CDC42BPG: variants seen among roughly 807,000 people sequenced by gnomAD.
The protein encoded by CDC42BPG is serine/threonine-protein kinase MRCK gamma.
CDC42BPG carries 157 observed loss-of-function variants against 192.2 expected under a neutral mutation model. That is an observed-to-expected ratio of 0.82 (90% CI 0.72 to 0.93). The LOEUF (loss-of-function observed/expected upper bound fraction) is 0.93. CDC42BPG is among the 40% of genes least tolerant of loss of function. CDC42BPG has a pLI of 0.00. For missense variants in CDC42BPG, 1,992 were observed against 2,122.1 expected, an observed-to-expected ratio of 0.94 and a Z score of 1.20; for synonymous variants, 981 against 918.5, an observed-to-expected ratio of 1.07 and a Z score of -1.23.
At chr11:64,831,400 G>C (rs1418091431) in intron 28 of CDC42BPG, 105 bp downstream of exon 28, 2 of 1,068,412 alleles carry the variant, frequency 1.9e-6, no homozygotes, top group African/African-American at 1.6e-5. Context: ...TCTGTGTCTC[G>C]TGGCTGCAGG....
chr11:64,827,145 C>A lies in CDC42BPG; in HGVS notation c.4294G>T (p.Val1432Leu). 2 of 1,614,134 alleles carry A rather than the reference C, an allele frequency of 1.2e-6. No homozygotes were observed. The highest frequency in any genetic ancestry group is 1.7e-6 in the Non-Finnish European group (2 of 1,179,990). Residue 1432 changes from valine (V) to leucine (L), a missense_variant, in exon 34 of 37, where the codon GTG becomes TTG. Transcript: ENST00000342711. ...GGCGGCGAGATGAGCTTGGAGCGCA[C>A]AAAAGGGTCCTTCAGCATCTCCCTG... ...QRREMLKDPF[V>L]RSKLISPPTN...
intron 36 of CDC42BPG, among the ~76,000 whole-genome samples, chr11:64,825,109 G>T (rs1175219230): frequency 6.6e-6 from 1 of 152,046 alleles, no homozygotes; most frequent in Non-Finnish European, 1.5e-5. Context: ...TAGAGACAGG[G>T]TTTCACCATG....
At chr11:64,844,364 C>A in intron 1 of CDC42BPG, 46 bp downstream of exon 1, 1 of 1,340,694 alleles carries the variant, frequency 7.5e-7, no homozygotes. Flanking sequence ...GGTCTCGGCG[C>A]GATATCCCTA....
At chr11:64,826,640 G>T in intron 35 of CDC42BPG, 31 bp downstream of exon 35, 1 of 1,586,080 alleles carries the variant, frequency 6.3e-7, no homozygotes, top group Non-Finnish European at 8.6e-7. Context: ...GGTGGGGGGT[G>T]GCACACTGGA....
rs1002222860 is a variant in CDC42BPG at position 64,840,240 on chromosome 11, C to T, written c.461G>A (p.Gly154Glu). The change falls in exon 5 of 37, where the codon GGG becomes GAG. Residue 154 changes from glycine to glutamate, a missense_variant. Transcript: ENST00000342711. ...GCGGCTCAGCAGCGTCAGGAGGTCC[C>T]CACCAGCATAGTAGTCCATCACAAG... The part of the protein sequence containing the change: ...LYLVMDYYAG[G>E]DLLTLLSRFE... 1 of 1,612,686 alleles carries T rather than the reference C, an allele frequency of 6.2e-7. No individual in the cohort carries two copies. Among genetic ancestry groups the T allele is most frequent in the Non-Finnish European group, 8.5e-7 (1 of 1,179,990 alleles).
At chr11:64,839,300 G>A (rs1200569591) in intron 6 of CDC42BPG, 67 bp from the exon 7 acceptor site, 10 of 1,579,982 alleles carry the variant, frequency 6.3e-6, no homozygotes, top group East Asian at 2.2e-5. Flanking sequence ...GGCTCCTCGC[G>A]ATGGCCCTGT....
At chr11:64,825,169 A>G (rs1942371303) in intron 36 of CDC42BPG, among the ~76,000 whole-genome samples, 1 of 152,112 alleles carries the variant, frequency 6.6e-6, no homozygotes, top group Admixed American at 6.6e-5. Context: ...TGCCTGCCTC[A>G]GCCTCCCAAA....
chr11:64,839,565 G>C lies in CDC42BPG; in HGVS notation c.588C>G (p.Val196=), dbSNP rs774866136. ...CATCCAGCAGGACGTTGTCTGGCTT[G>C]ACATCCCTGGGGGATGGCAGGCAGG... The part of the protein sequence containing the change: ...LHQLGYVHRD[V]KPDNVLLDVN... The change falls in exon 6 of 37, where the codon GTC becomes GTG. Residue 196 remains valine (V), a synonymous_variant. Coordinates refer to ENST00000342711, the MANE Select transcript of CDC42BPG (RefSeq NM_017525.3). 2 of 1,611,614 alleles carry C rather than the reference G, an allele frequency of 1.2e-6. No homozygotes were observed. The highest frequency in any genetic ancestry group is 1.7e-6 in the Non-Finnish European group (2 of 1,179,520).
chr11:64,833,133 G>A, intron 24 of CDC42BPG, 98 bp downstream of exon 24: 1 of 1,246,188 alleles, frequency 8.0e-7, no homozygotes, highest in Non-Finnish European at 1.1e-6. Flanking sequence ...AATTTGACCA[G>A]CAGGTGCCAG....
chr11:64,836,853 C>G lies in CDC42BPG; in HGVS notation c.1304-34G>C. The G allele has an allele frequency of 1.9e-6, 3 of 1,610,748 alleles. No homozygotes were observed. The East Asian group carries it at 6.7e-5, about 36-fold the overall frequency. On this transcript the variant is annotated intron_variant, in intron 10 of 36. Transcript: ENST00000342711. ...GAGGTGGTACCCACAGGTGAGTCCA[C>G]TCCTCCATTCCCGCAGCAGCAGCCC...
intron 6 of CDC42BPG, 108 bp downstream of exon 6, chr11:64,839,370 C>A: frequency 6.7e-7 from 1 of 1,498,404 alleles, no homozygotes; most frequent in Non-Finnish European, 9.2e-7. Flanking sequence ...TCTCACCCAC[C>A]TTCCCCGGGG....
In CDC42BPG at chr11:64,832,106, C is replaced by G. The variant is rs1942722930; in HGVS notation, c.3087+322G>C. ...TGAAGGACTGAGAATGTGGTGCACA[C>G]AGGCACAGGGCGCCTTCAGAACTGG... On this transcript the variant is annotated intron_variant, in intron 27 of 36. Transcript: ENST00000342711. 2.0e-5 allele frequency among the ~76,000 whole-genome samples: 3 copies of G among 152,340 alleles called. No homozygotes were observed. The South Asian group carries it at 6.2e-4, about 32-fold the overall frequency.
rs1942819650 is a variant in CDC42BPG at position 64,833,667 on chromosome 11, A to G, written c.2566-8T>C. ...TGCTCTGGGGAACACAGCCTGCAGG[A>G]GGGCGGGGGAGCAGGTGAGACGGGC... On this transcript the variant is annotated splice_polypyrimidine_tract_variant and splice_region_variant and intron_variant, in intron 22 of 36. Transcript: ENST00000342711. 2 of 1,612,330 alleles carry G rather than the reference A, an allele frequency of 1.2e-6. No homozygotes were observed. Among genetic ancestry groups the G allele is most frequent in the South Asian group, 1.1e-5 (1 of 90,880 alleles).
Position 64,836,726 on chromosome 11 carries a change from G to GGGGGGGGA in CDC42BPG, c.1384+12_1384+13insTCCCCCCC. The GGGGGGGGA allele has an allele frequency of 1.1e-6, 1 of 889,338 alleles. No homozygotes were observed. Among genetic ancestry groups the GGGGGGGGA allele is most frequent in the Non-Finnish European group, 1.6e-6 (1 of 622,140 alleles). The allele number at this position is 889,338 out of a possible 1,614,324, so 55.1% of individuals were successfully genotyped here. On this transcript the variant is annotated intron_variant, in intron 11 of 36. Coordinates refer to ENST00000342711, the MANE Select transcript of CDC42BPG (RefSeq NM_017525.3). ...AGCCCTGGGGGGGGGGGGGGGGTGGGCGGAAGGGATACCTGGCAGCCTGTC... is the reference window on the plus strand; with the variant it reads ...AGCCCTGGGGGGGGGGGGGGGGTGGGGGGGGGGACGGAAGGGATACCTGGCAGCCTGTC...
In CDC42BPG at chr11:64,836,485, G is replaced by A. The variant is rs749177536; in HGVS notation, c.1430C>T (p.Pro477Leu). ...KASLSQTDGPPAGSPGQDSDL... is the reference protein window; with the variant it reads ...KASLSQTDGPLAGSPGQDSDL... ...ACTGTCCTGACCTGGGCTACCAGCT[G>A]GGGGCCCATCCGTCTGGGACAATGA... Residue 477 changes from proline (P) to leucine (L), a missense_variant, in exon 12 of 37, where the codon CCA becomes CTA. By Grantham distance (98) the Pro-to-Leu change is moderately conservative. This residue lies in a region of CDC42BPG where 1,656 missense variants were observed against 1,844.3 expected (regional missense o/e 0.90). Coordinates refer to ENST00000342711, the MANE Select transcript of CDC42BPG (RefSeq NM_017525.3). 35 of 1,613,566 alleles carry A rather than the reference G, an allele frequency of 2.2e-5. No individual in the cohort carries two copies. The South Asian group carries it at 3.5e-4, about 16-fold the overall frequency.
rs775858284 is a variant in CDC42BPG at position 64,833,630 on chromosome 11, G to T, written c.2595C>A (p.Asn865Lys). The T allele has an allele frequency of 6.8e-6, 11 of 1,612,212 alleles. No individual in the cohort carries two copies. The highest frequency in any genetic ancestry group is 8.5e-6 in the Non-Finnish European group (10 of 1,179,498). ...GAVFPRAPTA[N>K]TASTEGLPAK... ...CAGGAAGACCTTCTGTAGAGGCTGT[G>T]TTGGCAGTGGGTGCTCTGGGGAACA... The change falls in exon 23 of 37, where the codon AAC becomes AAA. Residue 865 changes from asparagine to lysine, a missense_variant. Transcript: ENST00000342711.
rs141265290 is a variant in CDC42BPG at position 64,832,630 on chromosome 11, C to A, written c.2979G>T (p.Gly993=). 1 of 1,613,878 alleles carries A rather than the reference C, an allele frequency of 6.2e-7. No individual in the cohort carries two copies. The highest frequency in any genetic ancestry group is 8.5e-7 in the Non-Finnish European group (1 of 1,180,020). ...TCAGATCTAGGACCTGCAGGAGGGCCCCACTGGGCGGGCTGAGCCTCAGGT... is the reference window on the plus strand; with the variant it reads ...TCAGATCTAGGACCTGCAGGAGGGCACCACTGGGCGGGCTGAGCCTCAGGT... The part of the protein sequence containing the change: ...APDLRLSPPS[G]ALLQVLDLRD... Residue 993 remains glycine (G), a synonymous_variant, in exon 26 of 37, where the codon GGG becomes GGT. Coordinates refer to ENST00000342711, the MANE Select transcript of CDC42BPG (RefSeq NM_017525.3).
In CDC42BPG at chr11:64,830,241, G is replaced by T. The variant is rs774612569; in HGVS notation, c.3320C>A (p.Ala1107Glu). 2 of 1,610,014 alleles carry T rather than the reference G, an allele frequency of 1.2e-6. No homozygotes were observed. Among genetic ancestry groups the T allele is most frequent in the South Asian group, 2.2e-5 (2 of 90,310 alleles). ...CAAILDQDRL[A>E]LGTEEGLFVI... ...AAAGAGCCCCTCCTCGGTGCCAAGC[G>T]CAAGTCGATCCTGGTCTGGTAGAGG... Residue 1107 changes from alanine to glutamate, a missense_variant, in exon 29 of 37, where the codon GCG (alanine) becomes GAG (glutamate). Ala to Glu is a moderately radical substitution (Grantham distance 107). This residue lies in a region of CDC42BPG where 1,656 missense variants were observed against 1,844.3 expected (regional missense o/e 0.90). Coordinates refer to ENST00000342711, the MANE Select transcript of CDC42BPG (RefSeq NM_017525.3).
At chr11:64,831,150 GGAGGTTGCAGTGAGCT>G (rs894750837) in intron 28 of CDC42BPG, among the ~76,000 whole-genome samples, 1 of 152,070 alleles carries the variant, frequency 6.6e-6, no homozygotes, top group Non-Finnish European at 1.5e-5. Flanking sequence ...TCTGGGAGGC[GGAGGTTGCAGTGAGCT>G]GAGATTGCAC....
Sources: gnomAD v4.1 joint callset for allele counts (sites outside exome capture counted in the v4.1 genomes callset) on GRCh38, gnomAD v4.1.1 for gene constraint, gnomAD v4.1.1 regional missense constraint, MANE v1.5 for transcripts, NCBI Gene and HGNC (gene_info 2026-07-23, HGNC 2026-07-21) for gene names.